The following CHD2 variants were observed in gnomAD, a reference collection of about 807,000 sequenced individuals.
The protein encoded by CHD2 is ATP-dependent chromatin remodeler CHD2.
A neutral mutation model predicts 243.9 loss-of-function variants in CHD2; 28 were observed. The ratio of observed to expected loss-of-function variants is 0.11; its 90% CI spans 0.09 to 0.16. The LOEUF (loss-of-function observed/expected upper bound fraction) is 0.16, where lower values mean the gene tolerates loss of function less well. Ranked by LOEUF, CHD2 falls within the 10% of genes least tolerant of loss-of-function variation. The pLI is 1.00. For missense variants in CHD2, 1,386 were observed against 2,209.8 expected (o/e 0.63, Z 7.47); for synonymous variants, 775 against 779.0 (o/e 0.99, Z 0.09).
intron 33 of CHD2, among the ~76,000 whole-genome samples, chr15:93,003,734 G>T (rs985306654): frequency 1.6e-4 from 24 of 151,678 alleles, no homozygotes; most frequent in African/African-American, 5.8e-4. Flanking sequence ...CTGTGAAGTG[G>T]GTCCGAAACC....
intron 26 of CHD2, among the ~76,000 whole-genome samples, chr15:92,990,591 A>G (rs914046356): frequency 1.3e-5 from 2 of 152,192 alleles, no homozygotes; most frequent in African/African-American, 4.8e-5. Context: ...GGTTTTGTTC[A>G]TATATAATAC....
intron 3 of CHD2, among the ~76,000 whole-genome samples, chr15:92,925,490 A>G (rs183263358): frequency 6.6e-6 from 1 of 152,362 alleles, no homozygotes; most frequent in East Asian, 1.9e-4. Context: ...CCTGGCTGGT[A>G]TCTTGAAGTG....
At chr15:92,905,146 A>C in intron 2 of CHD2, 1 of 729,172 alleles carries the variant, frequency 1.4e-6, no homozygotes, top group Non-Finnish European at 2.2e-6. Context: ...AGTAAATGTC[A>C]GAAAACTACT....
At position 92,992,994 on chromosome 15, in the gene CHD2, C is replaced by T. The variant is rs753318183; in HGVS notation, c.3591C>T (p.Ser1197=). ...EYEEQLKENA[S]EGKGPGKRRG... is the part of the protein sequence containing the mutation. ...AAGAGCAGCTGAAAGAAAATGCCAG[C>T]GAGGGTAAGCGAAGTTGGCTTTAGT... The change falls in exon 28 of 39, where the codon AGC becomes AGT. Residue 1197 remains serine (S), a synonymous_variant. Transcript: ENST00000394196. 11 of 1,613,310 alleles carry T rather than the reference C, an allele frequency of 6.8e-6. No individual in the cohort carries two copies. The highest frequency in any genetic ancestry group is 1.7e-5 in the Admixed American group (1 of 60,010).
chr15:92,904,742 C>A (rs2141703558), intron 2 of CHD2: 1 of 1,392,764 alleles, frequency 7.2e-7, no homozygotes, highest in South Asian at 1.7e-5. Context: ...CCCAGTTTTA[C>A]ATTTTCCCTT....
In CHD2 at chr15:93,012,441, A is replaced by T; in HGVS notation, c.4689A>T (p.Glu1563Asp). 1.9e-6 allele frequency: 3 copies of T among 1,590,432 alleles called. No individual in the cohort carries two copies. The highest frequency in any genetic ancestry group is 2.6e-6 in the Non-Finnish European group (3 of 1,166,344). ...CTCATAAGAAAAGGTCTCAAGAAGA[A>T]GAGGTAAAGTACAAATTCAGTCCTA... ...KMAHKKRSQE[E>D]EEQKKKDDVT... The change falls in exon 36 of 39, where the codon GAA becomes GAT. Residue 1563 changes from glutamate (E) to aspartate (D), a missense_variant. Glu to Asp is a conservative substitution (Grantham distance 45). Transcript: ENST00000394196.
At position 92,984,381 on chromosome 15, in the gene CHD2, C is replaced by T; in HGVS notation, c.3118C>T (p.His1040Tyr). The change falls in exon 25 of 39, where the codon CAC becomes TAC. Residue 1040 changes from histidine (H) to tyrosine (Y), a missense_variant. This residue lies in a region of CHD2 where 99 missense variants were observed against 206.4 expected (regional missense o/e 0.48). Coordinates refer to ENST00000394196, the MANE Select transcript of CHD2 (RefSeq NM_001271.4). ...EDEEELEERP[H>Y]KDWDEIIPEE... ...TGAAGAAGAGCTAGAAGAGCGTCCTCACAAGGACTGGGATGAGATCATTCC... is the reference window on the plus strand; with the variant it reads ...TGAAGAAGAGCTAGAAGAGCGTCCTTACAAGGACTGGGATGAGATCATTCC... 3 of 1,606,128 alleles carry T rather than the reference C, an allele frequency of 1.9e-6. No individual in the cohort carries two copies. The highest frequency in any genetic ancestry group is 2.6e-6 in the Non-Finnish European group (3 of 1,175,902).
chr15:92,927,124 A>G (rs981204755), intron 3 of CHD2, 120 bp from the exon 4 acceptor site: 1 of 711,724 alleles, frequency 1.4e-6, no homozygotes, highest in Non-Finnish European at 2.4e-6. Flanking sequence ...CATAAATAGA[A>G]CTAGCAAAAC....
At chr15:92,965,471 G>GC (rs2053746107) in intron 16 of CHD2, 2 of 150,302 alleles carry the variant, frequency 1.3e-5, no homozygotes, top group African/African-American at 2.5e-5. Flanking sequence ...CAGGAGAATG[G>GC]CGTCAACCCA....
rs2053935838 is a variant in CHD2, at chr15:92,978,387, A to T, written c.2727+4A>T. On this transcript the variant is annotated splice_donor_region_variant and intron_variant, in intron 21 of 38. Coordinates refer to ENST00000394196, the MANE Select transcript of CHD2 (RefSeq NM_001271.4). ...TAGAATTGGTCAAAAGAAGCAGGTC[A>T]GTATGGAGAGGCTTCTGGAAATTGC... 1.2e-6 allele frequency: 2 copies of T among 1,612,700 alleles called. No homozygotes were observed. The highest frequency in any genetic ancestry group is 1.7e-6 in the Non-Finnish European group (2 of 1,178,940).
chr15:92,947,607 G>A (rs929861751), intron 12 of CHD2: 7 of 152,222 alleles, frequency 4.6e-5, no homozygotes, highest in Admixed American at 3.3e-4. Context: ...AGACTCTGGA[G>A]TAAGTAATTA....
rs760717598 is a variant in CHD2, at chr15:93,002,181, A to T, written c.4142A>T (p.Asp1381Val). 3 of 1,586,256 alleles carry T rather than the reference A, an allele frequency of 1.9e-6. No homozygotes were observed. Among genetic ancestry groups the T allele is most frequent in the Non-Finnish European group, 2.6e-6 (3 of 1,172,428 alleles). Residue 1381 changes from aspartate (D) to valine (V), a missense_variant, in exon 33 of 39, where the codon GAT becomes GTT. Transcript: ENST00000394196. ...NPSEEGEVKD[D>V]GLEKSPMKKK... ...TAGCCCTGTTTTGTTTCCTAGGATG[A>T]TGGCTTGGAAAAAAGTCCAATGAAA... is the stretch of plus-strand genomic sequence containing the variant.
Position 92,998,688 on chromosome 15 carries a change from A to G in CHD2, c.4008+67A>G, listed in dbSNP as rs1039164195. 8.3e-6 allele frequency: 13 copies of G among 1,569,764 alleles called. No individual in the cohort carries two copies. The highest frequency in any genetic ancestry group is 2.3e-4 in the Middle Eastern group (1 of 4,258). On this transcript the variant is annotated intron_variant, in intron 31 of 38. Transcript: ENST00000394196. The surrounding 1 kb of genome is among the most constrained non-coding windows in gnomAD (Gnocchi z 5.1). Reference sequence around the variant, plus strand: ...CTCCTACCCTGCAGAATTAGGTAGGAAGAGAGAGGCCCTCTCTGAGCACTG... The same window carrying G: ...CTCCTACCCTGCAGAATTAGGTAGGGAGAGAGAGGCCCTCTCTGAGCACTG...
intron 16 of CHD2, among the ~76,000 whole-genome samples, chr15:92,957,759 T>C (rs1002369978): frequency 1.3e-5 from 2 of 152,164 alleles, no homozygotes; most frequent in Non-Finnish European, 2.9e-5. Context: ...ACCATCATCA[T>C]TGTCCAGTTT....
intron 26 of CHD2, among the ~76,000 whole-genome samples, chr15:92,986,775 G>A (rs1254960050): frequency 6.6e-6 from 1 of 152,166 alleles, no homozygotes; most frequent in Non-Finnish European, 1.5e-5. Context: ...ACAGGCTGGA[G>A]TATGATCCTA....
chr15:93,010,892 A>C (rs1022437739), intron 35 of CHD2, among the ~76,000 whole-genome samples: 1 of 152,236 alleles, frequency 6.6e-6, no homozygotes, highest in Non-Finnish European at 1.5e-5. Context: ...TTATCTTTGT[A>C]TAATATGTCC....
At chr15:93,000,176 G>A (rs139660422) in intron 31 of CHD2, among the ~76,000 whole-genome samples, 76 of 152,246 alleles carry the variant, frequency 5.0e-4, no homozygotes, top group African/African-American at 1.8e-3. Context: ...TGAGGCAGGA[G>A]AATCGCTTGA....
intron 27 of CHD2, among the ~76,000 whole-genome samples, chr15:92,992,162 G>C (rs1338804611): frequency 2.0e-5 from 3 of 152,184 alleles, no homozygotes; most frequent in Non-Finnish European, 4.4e-5. Context: ...CTTCTTGAGT[G>C]GGTGAAAATT....
chr15:93,012,549 T>G, intron 36 of CHD2, 105 bp downstream of exon 36: 1 of 704,026 alleles, frequency 1.4e-6, no homozygotes, highest in Non-Finnish European at 2.3e-6. Flanking sequence ...GAATCATGGG[T>G]TATTGCTGGT....
Sources: gnomAD v4.1 joint callset for allele counts (sites outside exome capture counted in the v4.1 genomes callset) on GRCh38, gnomAD v4.1.1 for gene constraint, gnomAD v4.1.1 regional missense constraint, Gnocchi (gnomAD v3.1) non-coding constraint, MANE v1.5 for transcripts, NCBI Gene and HGNC (gene_info 2026-07-23, HGNC 2026-07-21) for gene names.